ANKIB1: variants seen among roughly 807,000 people sequenced by gnomAD.
The protein encoded by ANKIB1 is ankyrin repeat and IBR domain-containing protein 1.
Under a neutral mutation model 122.1 loss-of-function variants are expected in ANKIB1, and 43 were observed. The observed-to-expected ratio is 0.35, with a 90% CI of 0.28 to 0.45. The LOEUF (loss-of-function observed/expected upper bound fraction) is 0.45. Among genes scored for constraint, ANKIB1 ranks in the 20% least tolerant of loss-of-function variants. The pLI is 1.00. For missense variants in ANKIB1, 992 were observed against 1,329.5 expected (o/e 0.75, Z 3.95); for synonymous variants, 390 against 442.0 (o/e 0.88, Z 1.48).
rs770259271 is a variant in ANKIB1, at chr7:92,398,426, T to C, written c.2747T>C (p.Leu916Ser). 3.1e-6 allele frequency: 5 copies of C among 1,613,788 alleles called. No homozygotes were observed. The South Asian group carries it at 5.5e-5, about 18-fold the overall frequency. The change falls in exon 20 of 20, where the codon TTG becomes TCG. Residue 916 changes from leucine to serine, a missense_variant. Leu to Ser is a moderately radical substitution (Grantham distance 145). Transcript: ENST00000265742. ...GCTGCATTGAGCAGCTCTGAGCTTT[T>C]GGAACTTGGTGACAGCCTCATGAGA... is the stretch of plus-strand genomic sequence containing the variant. ...PRAALSSSEL[L>S]ELGDSLMRLG...
intron 19 of ANKIB1, 32 bp downstream of exon 19, chr7:92,397,891 C>A (rs555039156): frequency 1.3e-6 from 2 of 1,584,218 alleles, no homozygotes; most frequent in East Asian, 2.3e-5. Context: ...ATTGCCTGTG[C>A]TTTTACTCTT....
intron 2 of ANKIB1, among the ~76,000 whole-genome samples, chr7:92,299,047 G>C (rs901685841): frequency 5.9e-5 from 9 of 152,180 alleles, no homozygotes; most frequent in Non-Finnish European, 1.2e-4. Context: ...TGGTTGTTTA[G>C]ACTTGGGTAC....
Position 92,327,919 on chromosome 7 carries a change from T to A in ANKIB1, c.787+19T>A. On this transcript the variant is annotated intron_variant, in intron 5 of 19. Coordinates refer to ENST00000265742, the MANE Select transcript of ANKIB1 (RefSeq NM_019004.2). ...GCTCATGGTAATGAAAGAAATGTCTTATGCTTCTAAGAACATGAGTAACTT... is the reference window on the plus strand; with the variant it reads ...GCTCATGGTAATGAAAGAAATGTCTAATGCTTCTAAGAACATGAGTAACTT... 6.7e-7 allele frequency: 1 copy of A among 1,497,916 alleles called. No homozygotes were observed. The highest frequency in any genetic ancestry group is 9.1e-7 in the Non-Finnish European group (1 of 1,101,594). The allele number at this position is 1,497,916 out of a possible 1,614,324, so 92.8% of individuals were successfully genotyped here. A position where few individuals can be genotyped will look rare whatever the true frequency, so the allele number is the denominator to read the frequency against.
intron 7 of ANKIB1, among the ~76,000 whole-genome samples, chr7:92,350,344 T>C (rs1803632610): frequency 2.0e-5 from 3 of 152,220 alleles, no homozygotes; most frequent in African/African-American, 7.2e-5. Flanking sequence ...TCTGAATTTT[T>C]AATTTTAAAT....
chr7:92,327,715 T>G (rs966814100), intron 4 of ANKIB1, 68 bp from the exon 5 acceptor site: 10 of 732,746 alleles, frequency 1.4e-5, no homozygotes, highest in African/African-American at 7.4e-5. Flanking sequence ...TATATATTGT[T>G]TATAGGCATT....
intron 1 of ANKIB1, among the ~76,000 whole-genome samples, chr7:92,275,378 C>G (rs1195218286): frequency 1.3e-5 from 2 of 152,146 alleles, no homozygotes; most frequent in South Asian, 4.2e-4. Flanking sequence ...AAGTATTGTT[C>G]CCAATTGTTT....
At chr7:92,310,403 C>G (rs371895326) in intron 3 of ANKIB1, among the ~76,000 whole-genome samples, 37 of 152,168 alleles carry the variant, frequency 2.4e-4, no homozygotes, top group African/African-American at 8.7e-4. Flanking sequence ...TAAAGCTTAT[C>G]TTTGATCTGT....
intron 14 of ANKIB1, among the ~76,000 whole-genome samples, chr7:92,388,525 G>A (rs912303098): frequency 6.6e-6 from 1 of 152,238 alleles, no homozygotes; most frequent in Non-Finnish European, 1.5e-5. Context: ...GGGTCAAAAA[G>A]CGAAGCCATG....
At chr7:92,307,862 G>A (rs1802598933) in intron 3 of ANKIB1, among the ~76,000 whole-genome samples, 2 of 124,484 alleles carry the variant, frequency 1.6e-5, no homozygotes, top group South Asian at 2.6e-4. Flanking sequence ...TTGCCAGGCT[G>A]GAGTGCAGTG....
intron 14 of ANKIB1, among the ~76,000 whole-genome samples, 153 bp from the exon 15 acceptor site, chr7:92,389,818 G>A (rs1281685601): frequency 3.3e-5 from 5 of 151,980 alleles, no homozygotes; most frequent in African/African-American, 1.2e-4. Flanking sequence ...TTTTAGTTTG[G>A]TTCAAATAAG....
At chr7:92,373,867 A>T (rs1804325301) in intron 11 of ANKIB1, among the ~76,000 whole-genome samples, 1 of 152,244 alleles carries the variant, frequency 6.6e-6, no homozygotes, top group African/African-American at 2.4e-5. Flanking sequence ...ACACTTTTTA[A>T]AATTTCCCTT....
intron 1 of ANKIB1, among the ~76,000 whole-genome samples, chr7:92,248,932 G>T (rs1447231570): frequency 7.6e-6 from 1 of 132,024 alleles, no homozygotes; most frequent in African/African-American, 2.9e-5. Context: ...CTCTTGCCAA[G>T]GCTGGAGTGC....
intron 11 of ANKIB1, among the ~76,000 whole-genome samples, chr7:92,376,452 ATTT>A (rs548431066): frequency 1.5e-5 from 2 of 135,842 alleles, no homozygotes; most frequent in African/African-American, 2.7e-5. Flanking sequence ...TTTATTTTTT[ATTT>A]TTTTTTTTTT....
intron 1 of ANKIB1, among the ~76,000 whole-genome samples, chr7:92,290,370 AGTGTGTGT>A (rs34404682): frequency 3.7e-4 from 52 of 141,410 alleles, no homozygotes; most frequent in African/African-American, 1.2e-3. Context: ...TATGTATGAA[AGTGTGTGT>A]GTGTGTGTGT....
intron 1 of ANKIB1, among the ~76,000 whole-genome samples, chr7:92,288,669 C>T (rs1259229188): frequency 6.6e-6 from 1 of 152,098 alleles, no homozygotes; most frequent in East Asian, 1.9e-4. Flanking sequence ...ATCTCAAATT[C>T]AATAATATTT....
intron 1 of ANKIB1, among the ~76,000 whole-genome samples, chr7:92,286,243 C>T (rs905562508): frequency 5.3e-5 from 8 of 152,102 alleles, no homozygotes; most frequent in African/African-American, 1.7e-4. Flanking sequence ...AACCTTTCCC[C>T]CACTTCCTTT....
intron 11 of ANKIB1, among the ~76,000 whole-genome samples, chr7:92,373,415 T>C (rs1240628914): frequency 6.6e-6 from 1 of 152,170 alleles, no homozygotes; most frequent in Non-Finnish European, 1.5e-5. Context: ...CATGAATGTT[T>C]TCATGAATTA....
At chr7:92,394,786 G>A (rs1394285063) in intron 17 of ANKIB1, among the ~76,000 whole-genome samples, 3 of 152,150 alleles carry the variant, frequency 2.0e-5, no homozygotes, top group Non-Finnish European at 4.4e-5. Flanking sequence ...TAAAGAACCA[G>A]TATAAACCCT....
chr7:92,341,199 A>C (rs1311063219), intron 5 of ANKIB1, among the ~76,000 whole-genome samples: 1 of 151,652 alleles, frequency 6.6e-6, no homozygotes, highest in Non-Finnish European at 1.5e-5. Context: ...AGTCCCAGCT[A>C]TTTGGGAGGC....
Sources: gnomAD v4.1 joint callset for allele counts (sites outside exome capture counted in the v4.1 genomes callset) on GRCh38, gnomAD v4.1.1 for gene constraint, MANE v1.5 for transcripts, NCBI Gene and HGNC (gene_info 2026-07-23, HGNC 2026-07-21) for gene names.